The following LRP2 variants were observed in gnomAD, a reference collection of about 807,000 sequenced individuals.
LRP2 encodes low-density lipoprotein receptor-related protein 2.
Under a neutral mutation model 531.0 loss-of-function variants are expected in LRP2, and 172 were observed. That is an observed-to-expected ratio of 0.32 (90% CI 0.29 to 0.37). The LOEUF is 0.37. LRP2 is among the 10% of genes least tolerant of loss of function. The pLI is 1.00. For synonymous variants in LRP2, 1,992 were observed against 2,027.6 expected (o/e 0.98, Z 0.47); for missense variants, 5,167 against 5,868.3 (o/e 0.88, Z 3.90).
chr2:169,318,905 A>G (rs1385639465), intron 2 of LRP2, 21 bp from the exon 3 acceptor site: 2 of 1,613,768 alleles, frequency 1.2e-6, no homozygotes, highest in East Asian at 2.2e-5. Flanking sequence ...CCAAAAGAGG[A>G]CTCATTATGG....
intron 62 of LRP2, among the ~76,000 whole-genome samples, chr2:169,164,447 T>C (rs1023904793): frequency 3.9e-5 from 6 of 152,238 alleles, no homozygotes; most frequent in Non-Finnish European, 8.8e-5. Context: ...GGGTAAATTG[T>C]ATGAGAATGC....
At chr2:169,306,989 C>G (rs191726959) in intron 4 of LRP2, among the ~76,000 whole-genome samples, 1 of 152,164 alleles carries the variant, frequency 6.6e-6, no homozygotes, top group Admixed American at 6.5e-5. Context: ...ATTCTGTACT[C>G]AATGTATTTA....
At chr2:169,206,286 A>AT (rs774128678) in intron 39 of LRP2, 44 bp downstream of exon 39, 1 of 1,610,896 alleles carries the variant, frequency 6.2e-7, no homozygotes. Context: ...TGTTGACCCC[A>AT]TTGTGTCTAC....
At chr2:169,272,885 A>G (rs1483043861) in intron 15 of LRP2, 42 bp downstream of exon 15, 3 of 1,612,732 alleles carry the variant, frequency 1.9e-6, no homozygotes, top group Non-Finnish European at 2.5e-6. Flanking sequence ...ACACACATAC[A>G]CCTGTGTCAC....
At chr2:169,321,739 A>G (rs2105517646) in intron 1 of LRP2, among the ~76,000 whole-genome samples, 1 of 152,164 alleles carries the variant, frequency 6.6e-6, no homozygotes, top group East Asian at 1.9e-4. Flanking sequence ...CCAAAGAGCC[A>G]AAAACAAAAC....
At chr2:169,172,864 A>C (rs766782611) in intron 57 of LRP2, among the ~76,000 whole-genome samples, 1 of 151,562 alleles carries the variant, frequency 6.6e-6, no homozygotes, top group African/African-American at 2.4e-5. Context: ...CATCTTAATA[A>C]CGTCTTCCTC....
intron 34 of LRP2, among the ~76,000 whole-genome samples, chr2:169,218,481 G>A (rs1004425296): frequency 6.6e-6 from 1 of 151,956 alleles, no homozygotes; most frequent in African/African-American, 2.4e-5. Context: ...CTGGGTTATT[G>A]TTATTTATAC....
chr2:169,186,482 C>T (rs1207794154), intron 49 of LRP2, among the ~76,000 whole-genome samples: 2 of 152,206 alleles, frequency 1.3e-5, no homozygotes, highest in Non-Finnish European at 2.9e-5. Flanking sequence ...CTACATGTCC[C>T]TCTGGCTGGT....
rs1200085735 is a variant in LRP2 at position 169,127,366 on chromosome 2, C to G, written c.*1297G>C. ...TGCTATGGGAAAGTGTATATTCCTG[C>G]CATGGTTCCTGTTGTGCAGACTATA... On this transcript the variant is annotated 3_prime_UTR_variant, in exon 79 of 79. Transcript: ENST00000649046. 1 of 151,978 alleles carries G rather than the reference C, an allele frequency of 6.6e-6. No homozygotes were observed. Among genetic ancestry groups the G allele is most frequent in the Non-Finnish European group, 1.5e-5 (1 of 67,982 alleles). 9.4% of individuals were successfully genotyped at this position (151,978 alleles called of 1,614,324 possible).
chr2:169,315,078 A>T (rs760326592), intron 3 of LRP2, among the ~76,000 whole-genome samples: 2 of 152,216 alleles, frequency 1.3e-5, no homozygotes, highest in Admixed American at 6.5e-5. Flanking sequence ...ACGAAGAAGC[A>T]ATTAAAAGCT....
At chr2:169,215,745 C>T (rs1688761551) in intron 35 of LRP2, among the ~76,000 whole-genome samples, 1 of 146,688 alleles carries the variant, frequency 6.8e-6, no homozygotes, top group Non-Finnish European at 1.5e-5. Flanking sequence ...TATTCTATAT[C>T]TATATAGATC....
At chr2:169,252,216 A>G (rs1690192967) in intron 19 of LRP2, among the ~76,000 whole-genome samples, 1 of 1,816 alleles carries the variant, frequency 5.5e-4, no homozygotes, top group Non-Finnish European at 8.0e-4. Flanking sequence ...AATATCCTTG[A>G]TGAACATTGA....
chr2:169,269,461 C>T (rs533253966), intron 16 of LRP2, among the ~76,000 whole-genome samples: 31 of 152,288 alleles, frequency 2.0e-4, no homozygotes, highest in African/African-American at 7.5e-4. Context: ...ACATCTACAA[C>T]CATCTGATCT....
intron 1 of LRP2, among the ~76,000 whole-genome samples, chr2:169,340,066 CT>C (rs1438333018): frequency 6.6e-6 from 1 of 152,106 alleles, no homozygotes; most frequent in Non-Finnish European, 1.5e-5. Flanking sequence ...TCTACAATTT[CT>C]TTCCCATCTC....
chr2:169,302,807 T>A (rs545625555), intron 4 of LRP2, among the ~76,000 whole-genome samples: 2 of 151,602 alleles, frequency 1.3e-5, no homozygotes, highest in African/African-American at 4.8e-5. Flanking sequence ...ACCCCATAAA[T>A]TGAAAGGCTT....
chr2:169,172,143 C>T lies in LRP2; in HGVS notation c.11144-9G>A, dbSNP rs1386369419. The T allele has an allele frequency of 6.8e-6, 11 of 1,613,954 alleles. No homozygotes were observed. In the South Asian group the frequency reaches 1.2e-4, roughly 18 times the overall value. ...ATGGCATGTCCTCTCCTCTGCAAAGCAGTCATTGCAAAGACTTCATAAACC... is the reference window on the plus strand; with the variant it reads ...ATGGCATGTCCTCTCCTCTGCAAAGTAGTCATTGCAAAGACTTCATAAACC... On this transcript the variant is annotated splice_polypyrimidine_tract_variant and intron_variant, in intron 57 of 78. Transcript: ENST00000649046.
intron 31 of LRP2, among the ~76,000 whole-genome samples, chr2:169,227,779 TTAAATTTAGTC>T (rs1375495191): frequency 1.3e-5 from 2 of 152,214 alleles, no homozygotes; most frequent in Non-Finnish European, 2.9e-5. Flanking sequence ...TAGGACAAAT[TTAAATTTAGTC>T]TAATGTAAAT....
chr2:169,171,920 T>C (rs1228238836), intron 58 of LRP2, 95 bp downstream of exon 58: 5 of 1,472,084 alleles, frequency 3.4e-6, no homozygotes, highest in Non-Finnish European at 4.7e-6. Flanking sequence ...ATCCTACCCA[T>C]TGAGGATCAA....
At chr2:169,264,010 A>T (rs1335888872) in intron 16 of LRP2, among the ~76,000 whole-genome samples, 1 of 152,080 alleles carries the variant, frequency 6.6e-6, no homozygotes, top group Non-Finnish European at 1.5e-5. Flanking sequence ...AAAACCAAAC[A>T]CTGCATATTC....
Sources: gnomAD v4.1 joint callset for allele counts (sites outside exome capture counted in the v4.1 genomes callset) on GRCh38, gnomAD v4.1.1 for gene constraint, MANE v1.5 for transcripts, NCBI Gene and HGNC (gene_info 2026-07-23, HGNC 2026-07-21) for gene names.